SPATA6: variants seen among roughly 807,000 people sequenced by gnomAD.
SPATA6 encodes the protein spermatogenesis-associated protein 6.
A neutral mutation model predicts 65.3 loss-of-function variants in SPATA6; 56 were observed. The observed-to-expected ratio is 0.86, with a 90% CI of 0.69 to 1.07. The LOEUF is 1.07. SPATA6 is among the 50% of genes least tolerant of loss of function. The pLI, the probability that SPATA6 is intolerant of heterozygous loss-of-function variation, is 0.00. For missense variants in SPATA6, 590 were observed against 594.8 expected, an observed-to-expected ratio of 0.99 and a Z score of 0.08; for synonymous variants, 199 against 213.2, an observed-to-expected ratio of 0.93 and a Z score of 0.58.
chr1:48,343,001 G>A (rs1457662485), intron 11 of SPATA6, among the ~76,000 whole-genome samples: 5 of 152,142 alleles, frequency 3.3e-5, no homozygotes, highest in African/African-American at 1.2e-4. Context: ...GTTGGTATCT[G>A]CATCTGTGGA....
At position 48,454,560 on chromosome 1, in the gene SPATA6, G is replaced by A. The variant is rs1036962511; in HGVS notation, c.52-1429C>T. On this transcript the variant is annotated intron_variant, in intron 1 of 12. Coordinates refer to ENST00000371847, the MANE Select transcript of SPATA6 (RefSeq NM_019073.4). ...ATGTCTTAAATTTCTGTAGCATTTT[G>A]TAATTATGGTACAAATCATTGTGTA... is the stretch of plus-strand genomic sequence containing the variant. 2.0e-5 allele frequency among the ~76,000 whole-genome samples: 3 copies of A among 152,130 alleles called. No individual in the cohort carries two copies. In the East Asian group the frequency reaches 5.8e-4, roughly 29 times the overall value.
chr1:48,446,759 A>G (rs1291234580), intron 3 of SPATA6, among the ~76,000 whole-genome samples: 1 of 152,192 alleles, frequency 6.6e-6, no homozygotes, highest in African/African-American at 2.4e-5. Context: ...GTAATCAGTA[A>G]AACAACCAAC....
chr1:48,325,916 T>C, intron 11 of SPATA6: 1 of 300,410 alleles, frequency 3.3e-6, no homozygotes, highest in Non-Finnish European at 6.9e-6. Flanking sequence ...GCAGTATGGA[T>C]CCAAGAGCAA....
chr1:48,384,354 G>GAC (rs1429791947), intron 9 of SPATA6, among the ~76,000 whole-genome samples: 10 of 2,044 alleles, frequency 4.9e-3, no homozygotes, highest in African/African-American at 9.8e-3. Flanking sequence ...CAGGGACAGG[G>GAC]AGAGGGAGAG....
intron 3 of SPATA6, among the ~76,000 whole-genome samples, chr1:48,422,875 A>G (rs1040269105): frequency 6.6e-6 from 1 of 152,162 alleles, no homozygotes; most frequent in Non-Finnish European, 1.5e-5. Context: ...AGAACTAAGT[A>G]TATCTCTTTA....
At chr1:48,397,253 G>C (rs1650687722) in intron 7 of SPATA6, among the ~76,000 whole-genome samples, 1 of 151,682 alleles carries the variant, frequency 6.6e-6, no homozygotes, top group Non-Finnish European at 1.5e-5. Context: ...TTCCATTTAG[G>C]AGATGAAGAA....
rs1421444613 is a variant in SPATA6, at chr1:48,413,145, G to A, written c.245C>T (p.Thr82Ile). 1.4e-6 allele frequency: 2 copies of A among 1,420,254 alleles called. No homozygotes were observed. Among genetic ancestry groups the A allele is most frequent in the South Asian group, 1.6e-5 (1 of 62,482 alleles). The allele number at this position is 1,420,254 out of a possible 1,614,324, so 88.0% of individuals were successfully genotyped here. ...TAGCTGTATCAACTCGAACACTGCT[G>A]TATCATCTAAAAGTTTAAAGAAAAA... ...GDVVTQLEYD[T>I]AVFELIQLVP... is the part of the protein sequence containing the mutation. Residue 82 changes from threonine to isoleucine, a missense_variant, in exon 4 of 13, where the codon ACA (threonine) becomes ATA (isoleucine). Thr to Ile is a moderately conservative substitution (Grantham distance 89). Coordinates refer to ENST00000371847, the MANE Select transcript of SPATA6 (RefSeq NM_019073.4).
At chr1:48,363,899 C>G (rs1247686186) in intron 9 of SPATA6, among the ~76,000 whole-genome samples, 2 of 151,856 alleles carry the variant, frequency 1.3e-5, no homozygotes, top group East Asian at 3.9e-4. Context: ...GTACTGCACC[C>G]ATTAACTCAT....
intron 3 of SPATA6, among the ~76,000 whole-genome samples, chr1:48,423,995 T>A (rs1314293461): frequency 6.6e-6 from 1 of 152,166 alleles, no homozygotes; most frequent in African/African-American, 2.4e-5. Context: ...ATCCTTTGAG[T>A]TACAAACAAT....
chr1:48,322,070 T>TG (rs1237126002), intron 11 of SPATA6, among the ~76,000 whole-genome samples: 1 of 151,172 alleles, frequency 6.6e-6, no homozygotes, highest in Middle Eastern at 3.2e-3. Context: ...GACAAGTAGG[T>TG]GGGAAAAAAA....
chr1:48,302,524 T>C (rs1376293837), intron 12 of SPATA6, among the ~76,000 whole-genome samples: 1 of 152,208 alleles, frequency 6.6e-6, no homozygotes, highest in East Asian at 1.9e-4. Context: ...CATAGCTTAG[T>C]GGCCAGCAAA....
chr1:48,311,841 G>T (rs1017801188), intron 11 of SPATA6, among the ~76,000 whole-genome samples: 1 of 152,306 alleles, frequency 6.6e-6, no homozygotes, highest in Non-Finnish European at 1.5e-5. Flanking sequence ...GTGACAGATG[G>T]TACCTGGAAA....
intron 9 of SPATA6, among the ~76,000 whole-genome samples, chr1:48,369,220 G>A (rs1308015403): frequency 6.6e-6 from 1 of 152,212 alleles, no homozygotes; most frequent in African/African-American, 2.4e-5. Flanking sequence ...GTGCCTCCCA[G>A]TTAGGCTGCT....
intron 11 of SPATA6, among the ~76,000 whole-genome samples, chr1:48,306,363 C>T (rs1237691148): frequency 6.6e-6 from 1 of 151,728 alleles, no homozygotes; most frequent in African/African-American, 2.4e-5. Context: ...AATAACAAGC[C>T]AGAAAAGGCA....
chr1:48,268,117 G>A, the SPATA6 span, among the ~76,000 whole-genome samples: 492 of 151,998 alleles, frequency 3.2e-3, 10 homozygotes, highest in Admixed American at 0.03. Context: ...TGGAAAATGC[G>A]ACATTTGGGT....
In SPATA6 at chr1:48,395,365, C is replaced by T; in HGVS notation, c.781-11G>A. ...ACTTGGGGGATCAACCTAGAGGAAG[C>T]AGGATTTTTATGTAAAAGAGAGTTT... On this transcript the variant is annotated splice_polypyrimidine_tract_variant and intron_variant, in intron 7 of 12. Coordinates refer to ENST00000371847, the MANE Select transcript of SPATA6 (RefSeq NM_019073.4). 2 of 1,522,744 alleles carry T rather than the reference C, an allele frequency of 1.3e-6. No individual in the cohort carries two copies. The highest frequency in any genetic ancestry group is 1.8e-6 in the Non-Finnish European group (2 of 1,135,688). The allele number at this position is 1,522,744 out of a possible 1,614,324, so 94.3% of individuals were successfully genotyped here.
chr1:48,337,569 A>AAAT (rs1188440528), intron 11 of SPATA6, among the ~76,000 whole-genome samples: 1 of 151,900 alleles, frequency 6.6e-6, no homozygotes, highest in African/African-American at 2.4e-5. Context: ...TGGGAGATTT[A>AAAT]AAACTATCAT....
chr1:48,336,796 A>C (rs967565000), intron 11 of SPATA6, among the ~76,000 whole-genome samples: 1 of 152,008 alleles, frequency 6.6e-6, no homozygotes, highest in African/African-American at 2.4e-5. Context: ...ATTTCTTAAA[A>C]TATTTAAGAA....
At chr1:48,344,736 CA>C (rs1646315509) in intron 11 of SPATA6, among the ~76,000 whole-genome samples, 1 of 151,926 alleles carries the variant, frequency 6.6e-6, no homozygotes, top group Non-Finnish European at 1.5e-5. Flanking sequence ...TAGTTTCTAA[CA>C]AAACAGACTT....
Sources: gnomAD v4.1 joint callset for allele counts (sites outside exome capture counted in the v4.1 genomes callset) on GRCh38, gnomAD v4.1.1 for gene constraint, MANE v1.5 for transcripts, NCBI Gene and HGNC (gene_info 2026-07-23, HGNC 2026-07-21) for gene names.